The following CFAP20DC variants were observed in gnomAD, a reference collection of about 807,000 sequenced individuals.
CFAP20DC encodes the protein CFAP20 domain containing, also known as protein CFAP20DC.
CFAP20DC carries 84 observed loss-of-function variants against 101.7 expected under a neutral mutation model. That is an observed-to-expected ratio of 0.83 (90% CI 0.69 to 0.99). CFAP20DC has a LOEUF of 0.99. Ranked by LOEUF, CFAP20DC falls within the 50% of genes least tolerant of loss-of-function variation. The pLI, the probability that CFAP20DC is intolerant of heterozygous loss-of-function variation, is 0.00. For missense variants in CFAP20DC, 1,007 were observed against 970.3 expected (o/e 1.04, Z -0.50); for synonymous variants, 359 against 351.2 (o/e 1.02, Z -0.25).
intron 4 of CFAP20DC, among the ~76,000 whole-genome samples, chr3:58,997,859 G>A (rs951331143): frequency 6.6e-6 from 1 of 152,178 alleles, no homozygotes; most frequent in African/African-American, 2.4e-5. Flanking sequence ...AGACTGTAGG[G>A]TCTGTCTTCT....
intron 3 of CFAP20DC, among the ~76,000 whole-genome samples, chr3:59,042,992 G>A (rs1699529632): frequency 6.6e-6 from 1 of 152,168 alleles, no homozygotes; most frequent in Non-Finnish European, 1.5e-5. Context: ...CAGCCTGCAG[G>A]AGAAGGAATT....
At chr3:58,831,056 T>G (rs2076361126) in intron 14 of CFAP20DC, among the ~76,000 whole-genome samples, 1 of 152,220 alleles carries the variant, frequency 6.6e-6, no homozygotes, top group Non-Finnish European at 1.5e-5. Flanking sequence ...GGACCCAGGC[T>G]TTAGTTTCTT....
chr3:59,022,376 A>T (rs1490022795), intron 4 of CFAP20DC, among the ~76,000 whole-genome samples: 1 of 152,054 alleles, frequency 6.6e-6, no homozygotes, highest in East Asian at 1.9e-4. Context: ...ATTGGATAAG[A>T]TTTGTAGATG....
chr3:58,882,865 G>A lies in CFAP20DC; in HGVS notation c.715+1680C>T, dbSNP rs2081329692. Among the ~76,000 whole-genome samples the A allele has an allele frequency of 1.3e-5, 2 of 152,036 alleles. No homozygotes were observed. Among genetic ancestry groups the A allele is most frequent in the South Asian group, 2.1e-4 (1 of 4,826 alleles). On this transcript the variant is annotated intron_variant, in intron 7 of 16. Transcript: ENST00000482387. This position sits in a 1 kb window ranked among gnomAD's most constrained non-coding sequence, Gnocchi z 4.2. ...GGGGTTGTTCATCATACATTCTCTC[G>A]AATTTTCTGTAAGTTTGGAAATGTC...
At position 58,895,792 on chromosome 3, in the gene CFAP20DC, A is replaced by G. The variant is rs139416696; in HGVS notation, c.551-11083T>C. 5.1e-4 allele frequency among the ~76,000 whole-genome samples: 78 copies of G among 152,362 alleles called. 1 individual carries two copies. The highest frequency in any genetic ancestry group is 1.8e-3 in the African/African-American group (76 of 41,588). On this transcript the variant is annotated intron_variant, in intron 6 of 16. Coordinates refer to ENST00000482387, the MANE Select transcript of CFAP20DC (RefSeq NM_001394063.1). ...GGCTTAATGGGGAACTCACAGTTCT[A>G]CATGGCTGGGGAGGCCTCAGAATCA...
At chr3:58,902,425 G>T in intron 6 of CFAP20DC, among the ~76,000 whole-genome samples, 1 of 152,148 alleles carries the variant, frequency 6.6e-6, no homozygotes, top group Admixed American at 6.5e-5. Flanking sequence ...ATGTACAGGG[G>T]TTCCAATTTC....
chr3:58,973,590 T>C (rs2092087752), intron 4 of CFAP20DC, among the ~76,000 whole-genome samples: 1 of 152,194 alleles, frequency 6.6e-6, no homozygotes, highest in Admixed American at 6.5e-5. Context: ...TCTAAATTCC[T>C]AGCTAAAAAG....
intron 4 of CFAP20DC, among the ~76,000 whole-genome samples, chr3:58,998,013 C>T (rs9824223): frequency 0.094 from 14,316 of 152,218 alleles, 2,240 homozygotes; most frequent in African/African-American, 0.32. Context: ...CAGTCTTCCA[C>T]AGAGTTGGCC....
intron 5 of CFAP20DC, among the ~76,000 whole-genome samples, chr3:58,936,404 C>T (rs1255713994): frequency 6.6e-6 from 1 of 152,186 alleles, no homozygotes; most frequent in Non-Finnish European, 1.5e-5. Context: ...TACCATTTGA[C>T]CCAGCCATCC....
chr3:58,804,762 A>G (rs946468603), intron 15 of CFAP20DC, among the ~76,000 whole-genome samples: 2 of 152,228 alleles, frequency 1.3e-5, no homozygotes, highest in Non-Finnish European at 2.9e-5. Context: ...GCAAATCTAG[A>G]TGAGCTGCAA....
chr3:58,839,805 T>A (rs536093526), intron 13 of CFAP20DC, among the ~76,000 whole-genome samples: 10 of 152,220 alleles, frequency 6.6e-5, no homozygotes, highest in Non-Finnish European at 1.5e-4. Context: ...ATTAGAGTAA[T>A]GGGCGCACTG....
At chr3:58,891,026 G>C (rs371560041) in intron 6 of CFAP20DC, among the ~76,000 whole-genome samples, 2 of 147,664 alleles carry the variant, frequency 1.4e-5, no homozygotes, top group Admixed American at 6.7e-5. Flanking sequence ...ACGGGGTGGC[G>C]GCCGGGCAGA....
chr3:58,731,906 G>T lies in CFAP20DC; in HGVS notation c.198-14278C>A, dbSNP rs191271752. Among the ~76,000 whole-genome samples, 284 of 152,272 alleles carry T rather than the reference G, an allele frequency of 1.9e-3. 1 individual carries two copies. Among genetic ancestry groups the T allele is most frequent in the Middle Eastern group, 0.01 (3 of 294 alleles). The stretch of plus-strand genomic sequence containing the variant: ...GTGCCACCAACAGTTAAGTCATGAG[G>T]TTTGACATCAGCTAGGTCTGATAGA... On this transcript the variant is annotated intron_variant, in intron 3 of 3. Transcript: ENST00000486145.
chr3:58,871,142 G>C (rs115865244), intron 7 of CFAP20DC, among the ~76,000 whole-genome samples: 1,537 of 152,160 alleles, frequency 0.01, 31 homozygotes, highest in African/African-American at 0.034. Context: ...AAGAATAAGT[G>C]ACCCCTTCAT....
chr3:58,825,211 G>A (rs773233378), intron 14 of CFAP20DC, among the ~76,000 whole-genome samples: 8 of 152,152 alleles, frequency 5.3e-5, no homozygotes, highest in South Asian at 2.1e-4. Flanking sequence ...GGTCTCAGTC[G>A]TCATAAAAAG....
intron 4 of CFAP20DC, among the ~76,000 whole-genome samples, chr3:59,020,028 T>G (rs1318014366): frequency 6.6e-6 from 1 of 152,118 alleles, no homozygotes; most frequent in Non-Finnish European, 1.5e-5. Flanking sequence ...TAAAAAGATT[T>G]GCAAAAATAT....
intron 12 of CFAP20DC, among the ~76,000 whole-genome samples, chr3:58,856,823 T>C (rs1332460291): frequency 2.0e-5 from 3 of 152,218 alleles, no homozygotes; most frequent in Non-Finnish European, 4.4e-5. Flanking sequence ...TTTAGTCTGG[T>C]AGCGAGACAG....
chr3:58,736,361 T>G (rs746117542), intron 3 of CFAP20DC, among the ~76,000 whole-genome samples: 3 of 152,208 alleles, frequency 2.0e-5, no homozygotes, highest in Non-Finnish European at 4.4e-5. Flanking sequence ...AAATTTTGAT[T>G]GATTTTCTTT....
Position 58,863,557 on chromosome 3 carries a change from C to T in CFAP20DC, c.1593+1G>A. ...ACTACTTCACTTATCAAGCAGTGTA[C>T]CTCTTCACTGCTGTCGCCGCCGTAA... On this transcript the variant is annotated splice_donor_variant, in intron 12 of 16. Coordinates refer to ENST00000482387, the MANE Select transcript of CFAP20DC (RefSeq NM_001394063.1). LOFTEE classifies it high-confidence loss of function. This position sits in a 1 kb window ranked among gnomAD's most constrained non-coding sequence, Gnocchi z 5.9. 1 of 1,613,644 alleles carries T rather than the reference C, an allele frequency of 6.2e-7. No individual in the cohort carries two copies. Among genetic ancestry groups the T allele is most frequent in the Non-Finnish European group, 8.5e-7 (1 of 1,179,892 alleles).
Sources: gnomAD v4.1 joint callset for allele counts (sites outside exome capture counted in the v4.1 genomes callset) on GRCh38, gnomAD v4.1.1 for gene constraint, Gnocchi (gnomAD v3.1) non-coding constraint, MANE v1.5 for transcripts, NCBI Gene and HGNC (gene_info 2026-07-23, HGNC 2026-07-21) for gene names.